ZBTB16: variants seen among roughly 807,000 people sequenced by gnomAD.
ZBTB16 encodes zinc finger and BTB domain-containing protein 16.
Under a neutral mutation model 56.8 loss-of-function variants are expected in ZBTB16, and 8 were observed. The observed-to-expected ratio is 0.14, with a 90% CI of 0.08 to 0.25. ZBTB16 has a LOEUF of 0.25. Among genes scored for constraint, ZBTB16 ranks in the 10% least tolerant of loss-of-function variants. The pLI is 1.00. For missense variants in ZBTB16, 625 were observed against 903.0 expected (o/e 0.69, Z 3.95); for synonymous variants, 363 against 368.5 (o/e 0.98, Z 0.17).
chr11:114,089,161 C>T (rs995976084), intron 2 of ZBTB16, among the ~76,000 whole-genome samples: 7 of 152,090 alleles, frequency 4.6e-5, no homozygotes, highest in African/African-American at 1.4e-4. Context: ...CAGGGATCTG[C>T]GGGGAGCGTT....
At chr11:114,102,416 C>G (rs544771952) in intron 2 of ZBTB16, among the ~76,000 whole-genome samples, 4 of 151,970 alleles carry the variant, frequency 2.6e-5, no homozygotes, top group African/African-American at 4.8e-5. Flanking sequence ...TTTTTTTACT[C>G]TGGGGTTTTC....
intron 3 of ZBTB16, among the ~76,000 whole-genome samples, chr11:114,168,684 T>TA (rs1942864178): frequency 6.6e-6 from 1 of 152,226 alleles, no homozygotes; most frequent in South Asian, 2.1e-4. Flanking sequence ...CATGCTGCTA[T>TA]ACCTAGCCCT....
intron 3 of ZBTB16, among the ~76,000 whole-genome samples, chr11:114,170,650 G>A (rs1211150267): frequency 6.6e-6 from 1 of 151,794 alleles, no homozygotes; most frequent in Non-Finnish European, 1.5e-5. Flanking sequence ...AAATTCTAAA[G>A]TTTTCATTAG....
intron 4 of ZBTB16, among the ~76,000 whole-genome samples, chr11:114,200,622 GC>G (rs1260700154): frequency 6.6e-6 from 1 of 152,156 alleles, no homozygotes; most frequent in Non-Finnish European, 1.5e-5. Flanking sequence ...GGGTGATCTG[GC>G]AGGACTCACC....
intron 2 of ZBTB16, among the ~76,000 whole-genome samples, chr11:114,139,731 C>T (rs565953143): frequency 4.6e-5 from 7 of 151,644 alleles, no homozygotes; most frequent in South Asian, 2.1e-4. Flanking sequence ...CATCCAACTA[C>T]GGAGCAAGAC....
At chr11:114,103,097 A>G (rs558203087) in intron 2 of ZBTB16, among the ~76,000 whole-genome samples, 1 of 152,322 alleles carries the variant, frequency 6.6e-6, no homozygotes, top group South Asian at 2.1e-4. Flanking sequence ...TTGCATTGAT[A>G]ATTGTTTCTG....
Position 114,247,345 on chromosome 11 carries a change from C to T in ZBTB16, c.1772C>T (p.Thr591Met). The change falls in exon 6 of 7, where the codon ACG (threonine) becomes ATG (methionine). Residue 591 changes from threonine to methionine, a missense_variant. Around this residue, in one of 6 missense-constraint regions of ZBTB16, gnomAD observed 7 missense variants for 25.1 expected, o/e 0.28. Coordinates refer to ENST00000335953, the MANE Select transcript of ZBTB16 (RefSeq NM_006006.6). ...TTCAGCCTCAAGCATCAGCTGGAGA[C>T]GCACTATAGGGTGCACACAGGTACC... is the stretch of plus-strand genomic sequence containing the variant. ...KKFSLKHQLE[T>M]HYRVHTGEKP... 1.2e-6 allele frequency: 2 copies of T among 1,614,262 alleles called. No individual in the cohort carries two copies. The highest frequency in any genetic ancestry group is 1.7e-6 in the Non-Finnish European group (2 of 1,180,048).
At chr11:114,238,203 A>T (rs1944632972) in intron 4 of ZBTB16, among the ~76,000 whole-genome samples, 2 of 152,156 alleles carry the variant, frequency 1.3e-5, no homozygotes, top group African/African-American at 4.8e-5. Flanking sequence ...CCAGTGGCCC[A>T]TCAGCCCTCT....
rs1944187055 is a variant in ZBTB16, at chr11:114,219,706, A to C, written c.1454-22461A>C. 6.6e-5 allele frequency among the ~76,000 whole-genome samples: 10 copies of C among 152,306 alleles called. No homozygotes were observed. The South Asian group carries it at 2.1e-3, about 32-fold the overall frequency. On this transcript the variant is annotated intron_variant, in intron 4 of 6. Coordinates refer to ENST00000335953, the MANE Select transcript of ZBTB16 (RefSeq NM_006006.6). ...ACAGTCAGAGGACAATTTAAGACAA[A>C]TGTGAGTAAGGATGTGATGGCATTG... is the stretch of plus-strand genomic sequence containing the variant.
chr11:114,086,057 C>T (rs1476880398), intron 2 of ZBTB16, among the ~76,000 whole-genome samples: 3 of 152,074 alleles, frequency 2.0e-5, no homozygotes, highest in Non-Finnish European at 4.4e-5. Context: ...GGCTTGGGTG[C>T]TTGCTTGAAG....
At chr11:114,249,270 C>T (rs1403290923) in intron 6 of ZBTB16, among the ~76,000 whole-genome samples, 1 of 151,454 alleles carries the variant, frequency 6.6e-6, no homozygotes. Context: ...TCCAGCCCGG[C>T]CAACATGGTG....
chr11:114,156,293 T>C (rs775928369), intron 2 of ZBTB16, 44 bp from the exon 3 acceptor site: 1 of 1,603,670 alleles, frequency 6.2e-7, no homozygotes, highest in South Asian at 1.1e-5. Flanking sequence ...CTGCCTCTTG[T>C]CCAGCCAGAG....
rs1283936311 is a variant in ZBTB16, at chr11:114,186,950, A to G, written c.1367-2A>G. ...GTGGTAACTGCCTCTCCTTTCTTTC[A>G]GCGGGTGCCAAAGCCTTTGTCTGTG... On this transcript the variant is annotated splice_acceptor_variant, in intron 3 of 6. Coordinates refer to ENST00000335953, the MANE Select transcript of ZBTB16 (RefSeq NM_006006.6). LOFTEE classifies it high-confidence loss of function. 1 of 1,613,926 alleles carries G rather than the reference A, an allele frequency of 6.2e-7. No homozygotes were observed. Among genetic ancestry groups the G allele is most frequent in the Non-Finnish European group, 8.5e-7 (1 of 1,180,002 alleles).
At chr11:114,081,122 GCC>G (rs1233168671) in intron 2 of ZBTB16, among the ~76,000 whole-genome samples, 1 of 152,184 alleles carries the variant, frequency 6.6e-6, no homozygotes, top group South Asian at 2.1e-4. Flanking sequence ...GCCTGTGACT[GCC>G]CAGGTCTGTT....
chr11:114,153,257 C>G (rs989298657), intron 2 of ZBTB16, among the ~76,000 whole-genome samples: 1 of 152,184 alleles, frequency 6.6e-6, no homozygotes, highest in Admixed American at 6.5e-5. Flanking sequence ...CTGTTGAACT[C>G]CCAGGCCTGT....
intron 4 of ZBTB16, among the ~76,000 whole-genome samples, chr11:114,216,436 C>T (rs1944098591): frequency 6.6e-6 from 1 of 152,204 alleles, no homozygotes; most frequent in Non-Finnish European, 1.5e-5. Flanking sequence ...AGGGCTCTGA[C>T]CCAGCCCTTA....
At chr11:114,119,070 GC>G (rs1278699562) in intron 2 of ZBTB16, among the ~76,000 whole-genome samples, 2 of 151,936 alleles carry the variant, frequency 1.3e-5, no homozygotes, top group Non-Finnish European at 2.9e-5. Flanking sequence ...TTTGAGACCA[GC>G]CTGGTCAACA....
intron 2 of ZBTB16, among the ~76,000 whole-genome samples, chr11:114,086,399 G>T (rs115669915): frequency 0.014 from 2,092 of 151,994 alleles, 44 homozygotes; most frequent in African/African-American, 0.048. Context: ...TGTCTGTCTT[G>T]GTGCTTGCTG....
chr11:114,256,403 G>A lies in ZBTB16; in HGVS notation c.*5848G>A, dbSNP rs747548610. Among the ~76,000 whole-genome samples the A allele has an allele frequency of 2.6e-5, 4 of 152,148 alleles. No homozygotes were observed. The highest frequency in any genetic ancestry group is 5.9e-5 in the Non-Finnish European group (4 of 68,034). On this transcript the variant is annotated 3_prime_UTR_variant, in exon 7 of 7. Transcript: ENST00000335953. ...CTAGCGGGCCGCTGAGTCGGAATCC[G>A]TGGCTGTGTTAGGATAACTTGCTCA...
Sources: allele counts gnomAD v4.1 joint callset (sites outside exome capture counted in the v4.1 genomes callset), GRCh38; gene constraint gnomAD v4.1.1; regional missense constraint gnomAD v4.1.1; transcripts MANE v1.5; gene names NCBI Gene and HGNC (gene_info 2026-07-23, HGNC 2026-07-21).